Variants in KIFBP observed in about 807,000 individuals in gnomAD.
The protein encoded by KIFBP is kinesin family binding protein.
A neutral mutation model predicts 58.9 loss-of-function variants in KIFBP; 46 were observed. That is an observed-to-expected ratio of 0.78 (90% CI 0.62 to 1.00). The LOEUF is 1.00. Among genes scored for constraint, KIFBP ranks in the 50% least tolerant of loss-of-function variants. The pLI, the probability that KIFBP is intolerant of heterozygous loss-of-function variation, is 0.00. For missense variants in KIFBP, 651 were observed against 752.9 expected (o/e 0.86, Z 1.58); for synonymous variants, 241 against 283.4 (o/e 0.85, Z 1.50).
At chr10:68,999,426 C>A (rs1396158572) in intron 1 of KIFBP, among the ~76,000 whole-genome samples, 1 of 138,512 alleles carries the variant, frequency 7.2e-6, no homozygotes, top group Non-Finnish European at 1.6e-5. Context: ...AAAAAAAGTT[C>A]TCTGGAAGAG....
At chr10:68,996,176 T>A (rs1009035456) in intron 1 of KIFBP, among the ~76,000 whole-genome samples, 1 of 149,658 alleles carries the variant, frequency 6.7e-6, no homozygotes, top group Non-Finnish European at 1.5e-5. Flanking sequence ...AAAATGGTAA[T>A]AATAATTCAA....
chr10:68,995,929 G>A (rs1427086046), intron 1 of KIFBP, among the ~76,000 whole-genome samples: 1 of 151,940 alleles, frequency 6.6e-6, no homozygotes, highest in East Asian at 1.9e-4. Context: ...AGGCCAAGGC[G>A]GGTGGATCAC....
chr10:68,998,771 A>ATATATATATTTT (rs1357079794), intron 1 of KIFBP, among the ~76,000 whole-genome samples: 10 of 99,866 alleles, frequency 1.0e-4, no homozygotes, highest in Non-Finnish European at 1.8e-4. Flanking sequence ...ATATATATAT[A>ATATATATATTTT]TTTTTTTTTT....
At chr10:68,999,132 C>G (rs1323844261) in intron 1 of KIFBP, among the ~76,000 whole-genome samples, 3 of 150,668 alleles carry the variant, frequency 2.0e-5, no homozygotes, top group Non-Finnish European at 3.0e-5. Context: ...GAGTCTTGCT[C>G]CATCACCCAG....
intron 5 of KIFBP, among the ~76,000 whole-genome samples, chr10:69,009,174 T>G (rs112987331): frequency 1.3e-5 from 2 of 152,314 alleles, no homozygotes; most frequent in African/African-American, 4.8e-5. Context: ...AAGAATATTT[T>G]CTTACATAAT....
At chr10:69,012,533 A>G (rs369710657) in intron 6 of KIFBP, among the ~76,000 whole-genome samples, 1 of 150,738 alleles carries the variant, frequency 6.6e-6, no homozygotes, top group Non-Finnish European at 1.5e-5. Flanking sequence ...TTTACATGGG[A>G]CTCTGCTTGA....
intron 2 of KIFBP, among the ~76,000 whole-genome samples, chr10:69,004,048 C>T (rs1312204339): frequency 2.0e-5 from 3 of 151,714 alleles, no homozygotes; most frequent in African/African-American, 4.8e-5. Flanking sequence ...GGAGAAACCC[C>T]GTCTCTACTA....
In KIFBP at chr10:68,997,746, T is replaced by C. The variant is rs2132109131; in HGVS notation, c.427-2678T>C. On this transcript the variant is annotated intron_variant, in intron 1 of 6. Coordinates refer to ENST00000361983, the MANE Select transcript of KIFBP (RefSeq NM_015634.4). Reference sequence around the variant, plus strand: ...TTAGTTCAACTTATTTCTCCTTTGATGATAGACAGTGCTTGGGAAACTCCT... The same window carrying C: ...TTAGTTCAACTTATTTCTCCTTTGACGATAGACAGTGCTTGGGAAACTCCT... Among the ~76,000 whole-genome samples the C allele has an allele frequency of 2.0e-5, 3 of 152,248 alleles. No individual in the cohort carries two copies. The Middle Eastern group carries it at 0.01, about 518-fold the overall frequency.
At chr10:69,004,115 G>A (rs1843502689) in intron 2 of KIFBP, among the ~76,000 whole-genome samples, 1 of 151,292 alleles carries the variant, frequency 6.6e-6, no homozygotes, top group Non-Finnish European at 1.5e-5. Context: ...AGCTACCCAG[G>A]AGGTTAAGGC....
rs1402950491 is a variant in KIFBP, at chr10:69,015,950, T to C, written c.1400T>C (p.Leu467Pro). The C allele has an allele frequency of 3.1e-6, 5 of 1,614,098 alleles. No individual in the cohort carries two copies. Among genetic ancestry groups the C allele is most frequent in the Non-Finnish European group, 4.2e-6 (5 of 1,180,042 alleles). Residue 467 changes from leucine to proline, a missense_variant, in exon 7 of 7, where the codon CTG (leucine) becomes CCG (proline). By Grantham distance (98) the Leu-to-Pro change is moderately conservative. Transcript: ENST00000361983. ...GTAGACCTGAATCCACAGTATTATC[T>C]GTTGGTCAACAGACAGATCCAGTTT... ...LTVDLNPQYY[L>P]LVNRQIQFEI...
At chr10:68,989,760 C>G (rs1021885306) in intron 1 of KIFBP, 1 of 165,406 alleles carries the variant, frequency 6.0e-6, no homozygotes, top group Non-Finnish European at 1.3e-5. Flanking sequence ...TTAAGTGGCA[C>G]CATCATAGCT....
At position 69,000,399 on chromosome 10, in the gene KIFBP, G is replaced by A. The variant is rs1338558943; in HGVS notation, c.427-25G>A. 3 of 1,459,926 alleles carry A rather than the reference G, an allele frequency of 2.1e-6. No individual in the cohort carries two copies. The African/African-American group carries it at 4.2e-5, about 20-fold the overall frequency. The allele number at this position is 1,459,926 out of a possible 1,614,324, so 90.4% of individuals were successfully genotyped here. A position where few individuals can be genotyped will look rare whatever the true frequency, so the allele number is the denominator to read the frequency against. On this transcript the variant is annotated intron_variant, in intron 1 of 6. Coordinates refer to ENST00000361983, the MANE Select transcript of KIFBP (RefSeq NM_015634.4). ...AATTGGAAGTCTTATATCATTGTTT[G>A]TTTCTCTTTTTCTTTATTTTCCAGA...
intron 1 of KIFBP, among the ~76,000 whole-genome samples, chr10:68,993,205 G>C (rs886909957): frequency 1.3e-5 from 2 of 152,106 alleles, no homozygotes; most frequent in Non-Finnish European, 2.9e-5. Flanking sequence ...GTCTTGGCTT[G>C]TTTAGTTTTT....
intron 2 of KIFBP, among the ~76,000 whole-genome samples, chr10:69,004,798 G>A (rs369825074): frequency 9.2e-5 from 14 of 152,206 alleles, no homozygotes; most frequent in African/African-American, 3.4e-4. Context: ...GGGAGGATCG[G>A]GAGACGGAGG....
chr10:68,989,734 G>A (rs919237107), intron 1 of KIFBP: 1 of 171,764 alleles, frequency 5.8e-6, no homozygotes, highest in Non-Finnish European at 1.3e-5. Context: ...GTCTCACTGT[G>A]TCGCCCAGGT....
At chr10:69,010,210 T>G (rs946213403) in intron 5 of KIFBP, among the ~76,000 whole-genome samples, 2 of 152,222 alleles carry the variant, frequency 1.3e-5, no homozygotes, top group African/African-American at 4.8e-5. Flanking sequence ...ATATTGTTGG[T>G]TGGCATATTT....
chr10:69,002,699 C>T (rs1023850479), intron 2 of KIFBP, among the ~76,000 whole-genome samples: 31 of 144,914 alleles, frequency 2.1e-4, no homozygotes, highest in African/African-American at 7.7e-4. Context: ...CAGCCTGGGC[C>T]ACATAGTGAT....
At chr10:68,991,852 A>G (rs980535537) in intron 1 of KIFBP, 10 of 153,206 alleles carry the variant, frequency 6.5e-5, no homozygotes, top group African/African-American at 2.4e-4. Flanking sequence ...ATAAGATGTT[A>G]ATTTCTTGAG....
At chr10:69,005,705 A>C in intron 3 of KIFBP, 27 bp from the exon 4 acceptor site, 1 of 1,531,238 alleles carries the variant, frequency 6.5e-7, no homozygotes, top group Non-Finnish European at 9.0e-7. Flanking sequence ...ACCATTACAC[A>C]AATATTGGTT....
Sources: allele counts gnomAD v4.1 joint callset (sites outside exome capture counted in the v4.1 genomes callset), GRCh38; gene constraint gnomAD v4.1.1; transcripts MANE v1.5; gene names NCBI Gene and HGNC (gene_info 2026-07-23, HGNC 2026-07-21).